Variants in ARHGEF17 observed in about 807,000 individuals in gnomAD.
ARHGEF17 encodes Rho guanine nucleotide exchange factor 17.
Under a neutral mutation model 174.0 loss-of-function variants are expected in ARHGEF17, and 80 were observed. That is an observed-to-expected ratio of 0.46 (90% CI 0.38 to 0.55). The LOEUF (loss-of-function observed/expected upper bound fraction) is 0.55. Ranked by LOEUF, ARHGEF17 falls within the 20% of genes least tolerant of loss-of-function variation. The pLI, the probability that ARHGEF17 is intolerant of heterozygous loss-of-function variation, is 0.00. For synonymous variants in ARHGEF17, 1,311 were observed against 1,189.1 expected (o/e 1.10, Z -2.11); for missense variants, 2,886 against 2,839.7 (o/e 1.02, Z -0.37).
At chr11:73,346,598 A>G (rs1865464516) in intron 1 of ARHGEF17, among the ~76,000 whole-genome samples, 1 of 152,230 alleles carries the variant, frequency 6.6e-6, no homozygotes, top group Admixed American at 6.5e-5. Flanking sequence ...CAGAGGAGCC[A>G]AGAAGTGGGT....
intron 1 of ARHGEF17, among the ~76,000 whole-genome samples, chr11:73,318,629 C>G (rs1171467267): frequency 1.3e-5 from 2 of 152,174 alleles, no homozygotes; most frequent in East Asian, 1.9e-4. Context: ...GACCTTGTCT[C>G]AGAACAAAAA....
intron 9 of ARHGEF17, among the ~76,000 whole-genome samples, chr11:73,359,320 G>C (rs1236276658): frequency 6.6e-6 from 1 of 152,242 alleles, no homozygotes; most frequent in Non-Finnish European, 1.5e-5. Context: ...CCCAAGCCTT[G>C]GGTTGAGGGC....
chr11:73,360,269 C>T, intron 10 of ARHGEF17, 51 bp from the exon 11 acceptor site: 1 of 1,597,172 alleles, frequency 6.3e-7, no homozygotes, highest in African/African-American at 1.3e-5. Flanking sequence ...AGGGCAGGTG[C>T]AGGCTCTGGT....
rs528506778 is a variant in ARHGEF17 at position 73,347,129 on chromosome 11, G to T, written c.3270+169G>T. The stretch of plus-strand genomic sequence containing the variant: ...CCCCCAGCATGGCCATTCCAGAGAA[G>T]GAGGAAGGCTTCTCCCGGGCAAGAG... On this transcript the variant is annotated intron_variant, in intron 2 of 20. Coordinates refer to ENST00000263674, the MANE Select transcript of ARHGEF17 (RefSeq NM_014786.4). 9.4e-6 allele frequency: 7 copies of T among 746,470 alleles called. No homozygotes were observed. The African/African-American group carries it at 1.0e-4, about 11-fold the overall frequency. 46.2% of individuals were successfully genotyped at this position (746,470 alleles called of 1,614,324 possible).
intron 1 of ARHGEF17, among the ~76,000 whole-genome samples, chr11:73,343,728 G>A (rs114866328): frequency 0.013 from 1,954 of 152,206 alleles, 46 homozygotes; most frequent in African/African-American, 0.045. Flanking sequence ...CCCCGTTCTC[G>A]CTCAGTGTGT....
chr11:73,356,657 G>T, intron 6 of ARHGEF17, 52 bp from the exon 7 acceptor site: 1 of 1,610,326 alleles, frequency 6.2e-7, no homozygotes, highest in Non-Finnish European at 8.5e-7. Flanking sequence ...TTTTGGAGGG[G>T]ATAGGGATTA....
chr11:73,310,780 T>G lies in ARHGEF17; in HGVS notation c.2142T>G (p.Pro714=). Residue 714 remains proline, a synonymous_variant, in exon 1 of 21, where the codon CCT becomes CCG. Coordinates refer to ENST00000263674, the MANE Select transcript of ARHGEF17 (RefSeq NM_014786.4). ...GALRRRRKVP[P]SGSGGSELSN... is the part of the protein sequence containing the mutation. ...TCCGCCGACGACGCAAAGTCCCACC[T>G]TCAGGTTCTGGTGGGAGCGAATTGA... The G allele has an allele frequency of 6.2e-7, 1 of 1,612,002 alleles. No individual in the cohort carries two copies. The highest frequency in any genetic ancestry group is 8.5e-7 in the Non-Finnish European group (1 of 1,179,220).
chr11:73,329,164 A>G (rs1220193414), intron 1 of ARHGEF17, among the ~76,000 whole-genome samples: 2 of 150,976 alleles, frequency 1.3e-5, no homozygotes, highest in Non-Finnish European at 3.0e-5. Context: ...CAGGCCACCC[A>G]GCTAGTAGTG....
At chr11:73,316,515 T>C (rs1864931468) in intron 1 of ARHGEF17, among the ~76,000 whole-genome samples, 1 of 152,184 alleles carries the variant, frequency 6.6e-6, no homozygotes, top group African/African-American at 2.4e-5. Context: ...CAGGAATGCC[T>C]GTCTGAGGAG....
intron 1 of ARHGEF17, among the ~76,000 whole-genome samples, chr11:73,315,766 A>T (rs1472102164): frequency 6.6e-6 from 1 of 152,122 alleles, no homozygotes; most frequent in Admixed American, 6.5e-5. Flanking sequence ...ACTGTCCAGG[A>T]ATGAGTCCTC....
At chr11:73,347,258 C>T (rs537163906) in intron 2 of ARHGEF17, 26 of 500,072 alleles carry the variant, frequency 5.2e-5, no homozygotes, top group African/African-American at 4.7e-4. Context: ...CGTGAACTCC[C>T]TCTGATGTGC....
chr11:73,339,206 G>A (rs965447375), intron 1 of ARHGEF17, among the ~76,000 whole-genome samples: 1 of 151,872 alleles, frequency 6.6e-6, no homozygotes, highest in Admixed American at 6.6e-5. Flanking sequence ...GCCCAGTAGG[G>A]CACAGACCTC....
chr11:73,353,833 A>G (rs1865594022), intron 3 of ARHGEF17, among the ~76,000 whole-genome samples: 1 of 152,234 alleles, frequency 6.6e-6, no homozygotes, highest in South Asian at 2.1e-4. Flanking sequence ...AAATGCCTGT[A>G]AAACATAGCA....
Position 73,308,604 on chromosome 11 carries a change from C to G in ARHGEF17, c.-35C>G, listed in dbSNP as rs1864731460. ...CGCAGGGGGGGTTGGCCGCGGCTGC[C>G]CGAGGCCAGCCCCCCCGGAGTGAGT... is the stretch of plus-strand genomic sequence containing the variant. On this transcript the variant is annotated 5_prime_UTR_variant, in exon 1 of 21. Transcript: ENST00000263674. 2 of 1,410,120 alleles carry G rather than the reference C, an allele frequency of 1.4e-6. No individual in the cohort carries two copies. Among genetic ancestry groups the G allele is most frequent in the Non-Finnish European group, 1.8e-6 (2 of 1,087,078 alleles). The allele number at this position is 1,410,120 out of a possible 1,614,324, so 87.4% of individuals were successfully genotyped here.
chr11:73,335,467 CTT>C (rs772417464), intron 1 of ARHGEF17, among the ~76,000 whole-genome samples: 1 of 152,058 alleles, frequency 6.6e-6, no homozygotes, highest in Non-Finnish European at 1.5e-5. Flanking sequence ...TAATGAGAAA[CTT>C]TTCCTTCCCA....
intron 1 of ARHGEF17, among the ~76,000 whole-genome samples, chr11:73,313,637 C>T (rs774488420): frequency 4.6e-5 from 7 of 152,236 alleles, no homozygotes; most frequent in Non-Finnish European, 1.0e-4. Context: ...CAGAGGCCTT[C>T]TCTGATCTCC....
At position 73,360,409 on chromosome 11, in the gene ARHGEF17, G is replaced by T. The variant is rs764685068; in HGVS notation, c.4296G>T (p.Pro1432=). The stretch of plus-strand genomic sequence containing the variant: ...CGCTGTGCTACGCGCTTTCCTTCCC[G>T]CCAACCAAGCTGGAGCTGTGCGCCA... ...KQALCYALSF[P]PTKLELCATR... is the part of the protein sequence containing the mutation. The change falls in exon 11 of 21, where the codon CCG becomes CCT. Residue 1432 remains proline (P), a synonymous_variant. Transcript: ENST00000263674. 1 of 1,613,936 alleles carries T rather than the reference G, an allele frequency of 6.2e-7. No individual in the cohort carries two copies. The highest frequency in any genetic ancestry group is 1.1e-5 in the South Asian group (1 of 91,088).
In ARHGEF17 at chr11:73,365,284, A is replaced by G. The variant is rs1034484046; in HGVS notation, c.5551-106A>G. 26 of 1,317,988 alleles carry G rather than the reference A, an allele frequency of 2.0e-5. No individual in the cohort carries two copies. Among genetic ancestry groups the G allele is most frequent in the Non-Finnish European group, 2.5e-5 (24 of 942,868 alleles). The allele number at this position is 1,317,988 out of a possible 1,614,324, so 81.6% of individuals were successfully genotyped here. A position where few individuals can be genotyped will look rare whatever the true frequency, so the allele number is the denominator to read the frequency against. On this transcript the variant is annotated intron_variant, in intron 18 of 20. Transcript: ENST00000263674. The surrounding 1 kb of genome is among the most constrained non-coding windows in gnomAD (Gnocchi z 4.9). The stretch of plus-strand genomic sequence containing the variant: ...GAAAGGTTAATCAGACCAAGGACCA[A>G]CGCTAGTGTGAGTTGTGAGGGATGG...
chr11:73,311,453 G>C lies in ARHGEF17; in HGVS notation c.2815G>C (p.Gly939Arg), dbSNP rs377381457. 5.0e-5 allele frequency: 80 copies of C among 1,613,244 alleles called. No individual in the cohort carries two copies. Among genetic ancestry groups the C allele is most frequent in the Non-Finnish European group, 6.4e-5 (76 of 1,180,044 alleles). ...TCACCAGGAGCTTCGGAGAGACGAG[G>C]GCAGTCAGGACCAGACTGGCAGCCT... The part of the protein sequence containing the change: ...SSHQELRRDE[G>R]SQDQTGSLSR... Residue 939 changes from glycine (G) to arginine (R), a missense_variant, in exon 1 of 21, where the codon GGC becomes CGC. Physicochemically the swap from Gly to Arg is moderately radical, Grantham distance 125. This residue lies in a region of ARHGEF17 where 1,728 missense variants were observed against 1,461.2 expected (regional missense o/e 1.18). Coordinates refer to ENST00000263674, the MANE Select transcript of ARHGEF17 (RefSeq NM_014786.4).
Sources: allele counts gnomAD v4.1 joint callset (sites outside exome capture counted in the v4.1 genomes callset), GRCh38; gene constraint gnomAD v4.1.1; regional missense constraint gnomAD v4.1.1; non-coding constraint Gnocchi (gnomAD v3.1); transcripts MANE v1.5; gene names NCBI Gene and HGNC (gene_info 2026-07-23, HGNC 2026-07-21).